The following PRKN variants were observed in gnomAD, a reference collection of about 807,000 sequenced individuals.
The protein encoded by PRKN is E3 ubiquitin-protein ligase parkin.
A neutral mutation model predicts 59.5 loss-of-function variants in PRKN; 56 were observed. The ratio of observed to expected loss-of-function variants is 0.94; its 90% CI spans 0.76 to 1.18. PRKN has a LOEUF of 1.18. PRKN is among the 50% of genes most tolerant of loss of function. The pLI is 0.00. For missense variants in PRKN, 657 were observed against 596.4 expected, an observed-to-expected ratio of 1.10 and a Z score of -1.06; for synonymous variants, 250 against 222.1, an observed-to-expected ratio of 1.13 and a Z score of -1.12.
At chr6:161,659,384 G>A (rs1033369899) in intron 7 of PRKN, among the ~76,000 whole-genome samples, 5 of 151,910 alleles carry the variant, frequency 3.3e-5, no homozygotes, top group African/African-American at 1.2e-4. Context: ...TGCATGATAT[G>A]TTGAATTTCA....
intron 2 of PRKN, among the ~76,000 whole-genome samples, chr6:162,295,608 A>T (rs1431948122): frequency 6.6e-6 from 1 of 152,198 alleles, no homozygotes; most frequent in African/African-American, 2.4e-5. Flanking sequence ...TCAAAGTATA[A>T]AACGGAAGTA....
At chr6:162,505,745 A>G (rs1793580964) in intron 1 of PRKN, among the ~76,000 whole-genome samples, 1 of 152,194 alleles carries the variant, frequency 6.6e-6, no homozygotes, top group Non-Finnish European at 1.5e-5. Flanking sequence ...ATGTACCCAT[A>G]ATATGTGATT....
intron 7 of PRKN, among the ~76,000 whole-genome samples, chr6:161,690,109 T>C (rs1162367056): frequency 6.6e-6 from 1 of 152,184 alleles, no homozygotes; most frequent in Non-Finnish European, 1.5e-5. Flanking sequence ...ATGCCACCAG[T>C]GATTACACTG....
chr6:162,169,877 TA>T (rs1783185252), intron 4 of PRKN, among the ~76,000 whole-genome samples: 1 of 152,182 alleles, frequency 6.6e-6, no homozygotes, highest in Non-Finnish European at 1.5e-5. Flanking sequence ...TCTAGGAGGA[TA>T]TGGGGGAAAA....
intron 7 of PRKN, among the ~76,000 whole-genome samples, chr6:161,711,766 A>G (rs1220042963): frequency 6.6e-6 from 1 of 152,184 alleles, no homozygotes; most frequent in Non-Finnish European, 1.5e-5. Context: ...GAAAGAGCAG[A>G]CTGGCTGAGT....
chr6:162,303,302 T>G (rs1782049686), intron 2 of PRKN, among the ~76,000 whole-genome samples: 1 of 152,164 alleles, frequency 6.6e-6, no homozygotes, highest in Non-Finnish European at 1.5e-5. Flanking sequence ...AACTTTGATT[T>G]TTGCCTCACC....
intron 4 of PRKN, among the ~76,000 whole-genome samples, chr6:162,125,685 A>G (rs1430484025): frequency 6.6e-6 from 1 of 152,238 alleles, no homozygotes; most frequent in Non-Finnish European, 1.5e-5. Context: ...GTAACGTACC[A>G]TGGCCAAAGT....
intron 7 of PRKN, among the ~76,000 whole-genome samples, chr6:161,644,731 T>C (rs1169003841): frequency 6.6e-6 from 1 of 152,184 alleles, no homozygotes; most frequent in Non-Finnish European, 1.5e-5. Flanking sequence ...AGAGTCTATT[T>C]GAGAGCAGTA....
intron 6 of PRKN, among the ~76,000 whole-genome samples, chr6:161,899,770 C>T (rs994005237): frequency 9.9e-5 from 15 of 152,246 alleles, no homozygotes; most frequent in African/African-American, 2.9e-4. Context: ...TATTCCCATA[C>T]GTTGTACTAT....
intron 2 of PRKN, chr6:162,275,373 G>A (rs1471535603): frequency 6.6e-6 from 1 of 151,988 alleles, no homozygotes; most frequent in East Asian, 1.9e-4. Flanking sequence ...GTTACTCAGA[G>A]ATAAATTTTG....
chr6:162,639,180 G>A (rs1290649293), intron 1 of PRKN, among the ~76,000 whole-genome samples: 4 of 152,122 alleles, frequency 2.6e-5, no homozygotes, highest in African/African-American at 9.7e-5. Context: ...TTCACCGCAT[G>A]CTTATCCCTA....
chr6:161,937,843 T>C (rs1433775420), intron 6 of PRKN, among the ~76,000 whole-genome samples: 1 of 152,214 alleles, frequency 6.6e-6, no homozygotes, highest in Non-Finnish European at 1.5e-5. Flanking sequence ...AAACTTTCTA[T>C]CATGTACAAG....
Position 161,490,286 on chromosome 6 carries a change from C to T in PRKN, c.1083+58568G>A, listed in dbSNP as rs141316533. Among the ~76,000 whole-genome samples, 1,128 of 151,688 alleles carry T rather than the reference C, an allele frequency of 7.4e-3. 20 individuals are homozygous for T. Among genetic ancestry groups the T allele is most frequent in the African/African-American group, 0.026 (1,078 of 41,296 alleles). On this transcript the variant is annotated intron_variant, in intron 9 of 11. Coordinates refer to ENST00000366898, the MANE Select transcript of PRKN (RefSeq NM_004562.3). ...GGCGGTGGTCTGTCCCTCTAATCTA[C>T]GTAAATCTCTCTACTTTTCTTTCTT... is the stretch of plus-strand genomic sequence containing the variant.
chr6:161,516,845 A>AAAAG (rs1778627063), intron 9 of PRKN, among the ~76,000 whole-genome samples: 1 of 150,156 alleles, frequency 6.7e-6, no homozygotes, highest in Non-Finnish European at 1.5e-5. Flanking sequence ...AAAAAAAAAA[A>AAAAG]AAGAAAGAAA....
intron 6 of PRKN, among the ~76,000 whole-genome samples, chr6:161,806,737 T>C (rs150796236): frequency 9.2e-4 from 140 of 152,334 alleles, no homozygotes; most frequent in African/African-American, 3.3e-3. Flanking sequence ...TTATTGAACA[T>C]CCATCTGGTA....
At chr6:162,166,070 A>AAG (rs1782975362) in intron 4 of PRKN, among the ~76,000 whole-genome samples, 1 of 148,504 alleles carries the variant, frequency 6.7e-6, no homozygotes, top group African/African-American at 2.5e-5. Context: ...AAAAAAAAAA[A>AAG]AGAGAAATAA....
At chr6:161,621,911 A>C (rs1225873882) in intron 7 of PRKN, among the ~76,000 whole-genome samples, 1 of 152,148 alleles carries the variant, frequency 6.6e-6, no homozygotes, top group East Asian at 1.9e-4. Flanking sequence ...CCATTGTAGA[A>C]AAAAAAGTCA....
intron 6 of PRKN, among the ~76,000 whole-genome samples, chr6:161,802,443 A>C (rs1451495984): frequency 6.5e-5 from 9 of 137,670 alleles, no homozygotes; most frequent in South Asian, 2.4e-4. Context: ...CACACGCCCC[A>C]CACACACACC....
intron 6 of PRKN, among the ~76,000 whole-genome samples, chr6:161,939,418 CAAAAAAAAA>C (rs34604240): frequency 9.1e-4 from 36 of 39,596 alleles, no homozygotes; most frequent in African/African-American, 3.8e-3. Context: ...GACTCTGTCT[CAAAAAAAAA>C]AAAAAAAAAA....
Sources: gnomAD v4.1 joint callset for allele counts (sites outside exome capture counted in the v4.1 genomes callset) on GRCh38, gnomAD v4.1.1 for gene constraint, MANE v1.5 for transcripts, NCBI Gene and HGNC (gene_info 2026-07-23, HGNC 2026-07-21) for gene names.